PHAF1: variants seen among roughly 807,000 people sequenced by gnomAD.
The protein encoded by PHAF1 is phagophore assembly factor 1.
In PHAF1, 23 loss-of-function variants were observed where a neutral mutation model predicts 63.1. The ratio of observed to expected loss-of-function variants is 0.36; its 90% CI spans 0.26 to 0.52. PHAF1 has a LOEUF of 0.52. Ranked by LOEUF, PHAF1 falls within the 20% of genes least tolerant of loss-of-function variation. The pLI is 0.93. For missense variants in PHAF1, 427 were observed against 517.2 expected (o/e 0.83, Z 1.69); for synonymous variants, 167 against 185.0 (o/e 0.90, Z 0.79).
At chr16:67,134,103 AAG>A (rs1963520327) in intron 6 of PHAF1, 63 bp from the exon 7 acceptor site, 1 of 1,354,104 alleles carries the variant, frequency 7.4e-7, no homozygotes, top group Non-Finnish European at 1.0e-6. Flanking sequence ...AGTGACAGGG[AAG>A]ACCAGAGCCT....
chr16:67,132,687 C>A, intron 5 of PHAF1, 130 bp from the exon 6 acceptor site: 1 of 1,180,918 alleles, frequency 8.5e-7, no homozygotes, highest in Non-Finnish European at 1.3e-6. Context: ...TGTTTTCAAC[C>A]TAGTAGGCCA....
chr16:67,140,268 C>A, intron 9 of PHAF1, 151 bp downstream of exon 9: 1 of 1,085,688 alleles, frequency 9.2e-7, no homozygotes, highest in Non-Finnish European at 1.3e-6. Flanking sequence ...CCCTGTAGTC[C>A]AATTACCCTG....
intron 4 of PHAF1, chr16:67,132,111 A>T: frequency 5.2e-6 from 1 of 191,548 alleles, no homozygotes; most frequent in East Asian, 1.4e-4. Context: ...AATGTGTGGT[A>T]CCACTGGCCC....
chr16:67,142,775 C>T (rs758525390), intron 10 of PHAF1, among the ~76,000 whole-genome samples: 5 of 152,342 alleles, frequency 3.3e-5, no homozygotes, highest in Non-Finnish European at 5.9e-5. Flanking sequence ...GGCTCCTGCC[C>T]TGCCAACTTA....
chr16:67,127,931 A>T (rs1963252760), intron 3 of PHAF1, among the ~76,000 whole-genome samples: 1 of 152,222 alleles, frequency 6.6e-6, no homozygotes, highest in South Asian at 2.1e-4. Context: ...ACGGTATTTC[A>T]TGGTAATGAG....
At chr16:67,139,844 T>C in intron 8 of PHAF1, 140 bp from the exon 9 acceptor site, 1 of 885,036 alleles carries the variant, frequency 1.1e-6, no homozygotes, top group Non-Finnish European at 1.8e-6. Flanking sequence ...CCTGGTGACC[T>C]GATGTTTCTG....
chr16:67,117,199 A>ATTTTTTTTTTTTTTTTTT (rs750308105), intron 1 of PHAF1, among the ~76,000 whole-genome samples: 22 of 111,950 alleles, frequency 2.0e-4, no homozygotes, highest in African/African-American at 8.0e-4. Flanking sequence ...TGCCCAGCTA[A>ATTTTTTTTTTTTTTTTTT]TTTTTTTTTT....
chr16:67,119,544 C>T (rs1962890213), intron 1 of PHAF1, among the ~76,000 whole-genome samples: 1 of 146,924 alleles, frequency 6.8e-6, no homozygotes, highest in Non-Finnish European at 1.5e-5. Context: ...TTTTTATAGA[C>T]AGAGTTTTGC....
intron 3 of PHAF1, among the ~76,000 whole-genome samples, chr16:67,128,522 C>G (rs1040488221): frequency 6.6e-6 from 1 of 152,328 alleles, no homozygotes; most frequent in African/African-American, 2.4e-5. Context: ...CTTCCCACCC[C>G]CTGCCTCAAG....
chr16:67,136,554 CTTTTTTTTTTTTTTTT>C (rs34174571), intron 8 of PHAF1, among the ~76,000 whole-genome samples: 56 of 60,468 alleles, frequency 9.3e-4, no homozygotes, highest in African/African-American at 5.4e-3. Context: ...GCATTGATTC[CTTTTTTTTTTTTTTTT>C]TTTTTTTTTT....
chr16:67,145,019 C>T, intron 12 of PHAF1, 142 bp downstream of exon 12: 1 of 1,073,102 alleles, frequency 9.3e-7, no homozygotes, highest in East Asian at 2.4e-5. Flanking sequence ...GCTCATTGTT[C>T]TGGGGGCTGC....
chr16:67,143,395 G>A (rs146107837), intron 10 of PHAF1, among the ~76,000 whole-genome samples: 2,884 of 152,054 alleles, frequency 0.019, 92 homozygotes, highest in African/African-American at 0.066. Flanking sequence ...AAAATTAGCC[G>A]GGCGTGGTGG....
chr16:67,148,149 CATAG>C lies in PHAF1; in HGVS notation c.*1021_*1024del, dbSNP rs1178328678. 3 of 152,692 alleles carry C rather than the reference CATAG, an allele frequency of 2.0e-5. No individual in the cohort carries two copies. The highest frequency in any genetic ancestry group is 4.4e-5 in the Non-Finnish European group (3 of 68,046). The allele number at this position is 152,692 out of a possible 1,614,324, so 9.5% of individuals were successfully genotyped here. ...TATTTTGGTCTAGCAACTTGTGATA[CATAG>C]ATGACAATTTTGTGAGTTTTTCAAA... is the stretch of plus-strand genomic sequence containing the variant. On this transcript the variant is annotated 3_prime_UTR_variant, in exon 16 of 16. Coordinates refer to ENST00000219139, the MANE Select transcript of PHAF1 (RefSeq NM_025187.5).
chr16:67,112,381 CAAAAAAAAAAAA>C (rs964546436), intron 1 of PHAF1, among the ~76,000 whole-genome samples: 1 of 45,374 alleles, frequency 2.2e-5, no homozygotes, highest in Non-Finnish European at 4.5e-5. Context: ...TCGTTTCTAC[CAAAAAAAAAAAA>C]AAAAAAAAAA....
At chr16:67,140,996 C>T (rs547459358) in intron 10 of PHAF1, among the ~76,000 whole-genome samples, 12 of 152,322 alleles carry the variant, frequency 7.9e-5, no homozygotes, top group African/African-American at 2.9e-4. Flanking sequence ...AGGACCACCC[C>T]AGAGGCATTG....
intron 1 of PHAF1, 92 bp from the exon 2 acceptor site, chr16:67,120,020 G>C (rs1962909512): frequency 1.9e-6 from 2 of 1,045,284 alleles, no homozygotes; most frequent in South Asian, 2.9e-5. Flanking sequence ...AACATCCCCA[G>C]GCTTTACTGC....
intron 11 of PHAF1, 130 bp from the exon 12 acceptor site, chr16:67,144,704 G>A (rs909152235): frequency 9.3e-7 from 1 of 1,073,502 alleles, no homozygotes; most frequent in Non-Finnish European, 1.4e-6. Flanking sequence ...AGTGAACACT[G>A]TCAGGCACTC....
chr16:67,137,925 C>G (rs1963669184), intron 8 of PHAF1, among the ~76,000 whole-genome samples: 1 of 152,176 alleles, frequency 6.6e-6, no homozygotes, highest in African/African-American at 2.4e-5. Context: ...GTGGCAAGCA[C>G]AAGTTTCTCA....
At position 67,134,197 on chromosome 16, in the gene PHAF1, C is replaced by A. The variant is rs1963524784; in HGVS notation, c.480C>A (p.Leu160=). 6.2e-7 allele frequency: 1 copy of A among 1,614,136 alleles called. No individual in the cohort carries two copies. Among genetic ancestry groups the A allele is most frequent in the Non-Finnish European group, 8.5e-7 (1 of 1,180,010 alleles). Residue 160 remains leucine (L), a synonymous_variant, in exon 7 of 16, where the codon CTC becomes CTA. Coordinates refer to ENST00000219139, the MANE Select transcript of PHAF1 (RefSeq NM_025187.5). The stretch of plus-strand genomic sequence containing the variant: ...ATTTTGCCCATGGCCTGGCTTCTCT[C>A]CAGATACCCCATGGAGCAACTGTAA... ...EPNFAHGLAS[L]QIPHGATVKR...
Sources: allele counts gnomAD v4.1 joint callset (sites outside exome capture counted in the v4.1 genomes callset), GRCh38; gene constraint gnomAD v4.1.1; transcripts MANE v1.5; gene names NCBI Gene and HGNC (gene_info 2026-07-23, HGNC 2026-07-21).